Variants in RFX3 observed in about 807,000 individuals in gnomAD.
RFX3 encodes transcription factor RFX3.
A neutral mutation model predicts 98.6 loss-of-function variants in RFX3; 14 were observed. The observed-to-expected ratio is 0.14, with a 90% CI of 0.09 to 0.22. RFX3 has a LOEUF of 0.22. Among genes scored for constraint, RFX3 ranks in the 10% least tolerant of loss-of-function variants. The probability of loss-of-function intolerance (pLI) is 1.00; values close to 1 mark genes in which losing one functional copy is unlikely to be tolerated. For missense variants in RFX3, 639 were observed against 926.9 expected (o/e 0.69, Z 4.03); for synonymous variants, 383 against 328.4 (o/e 1.17, Z -1.80).
intron 1 of RFX3, among the ~76,000 whole-genome samples, chr9:3,507,813 T>C (rs1471860442): frequency 6.6e-6 from 1 of 151,998 alleles, no homozygotes; most frequent in Non-Finnish European, 1.5e-5. Context: ...TTATATATTG[T>C]TTTCTTTTTT....
intron 14 of RFX3, among the ~76,000 whole-genome samples, chr9:3,254,937 C>T (rs565394756): frequency 4.7e-4 from 71 of 152,254 alleles, no homozygotes; most frequent in African/African-American, 1.5e-3. Context: ...TAATAATGTG[C>T]TTCTTGAATT....
intron 1 of RFX3, among the ~76,000 whole-genome samples, chr9:3,519,076 G>A (rs185080591): frequency 1.2e-4 from 18 of 152,160 alleles, no homozygotes; most frequent in Non-Finnish European, 4.4e-5. Flanking sequence ...CATGTATAAC[G>A]TGAAAATAAA....
intron 5 of RFX3, among the ~76,000 whole-genome samples, chr9:3,297,381 C>A (rs372587165): frequency 1.3e-5 from 2 of 152,028 alleles, no homozygotes. Flanking sequence ...CTAATATACA[C>A]TCATTTAATG....
chr9:3,305,425 T>C (rs1294505491), intron 4 of RFX3, among the ~76,000 whole-genome samples: 1 of 151,948 alleles, frequency 6.6e-6, no homozygotes, highest in African/African-American at 2.4e-5. Context: ...GAAAGCAAAG[T>C]GTGCCCAATA....
rs1481286171 is a variant in RFX3, at chr9:3,219,365, T to A, written c.*5677A>T. ...TCAAAATTCTTCTAAAGAATATTTG[T>A]TGTCCTCGTTATTGAGCTACATAAA... On this transcript the variant is annotated 3_prime_UTR_variant, in exon 17 of 17. Coordinates refer to ENST00000617270, the MANE Select transcript of RFX3 (RefSeq NM_001282116.2). 1 of 151,994 alleles carries A rather than the reference T, an allele frequency of 6.6e-6. No individual in the cohort carries two copies. The highest frequency in any genetic ancestry group is 1.5e-5 in the Non-Finnish European group (1 of 67,990). 9.4% of individuals were successfully genotyped at this position (151,994 alleles called of 1,614,324 possible).
chr9:3,364,142 G>A (rs1797896883), intron 2 of RFX3, among the ~76,000 whole-genome samples: 1 of 152,148 alleles, frequency 6.6e-6, no homozygotes, highest in Non-Finnish European at 1.5e-5. Flanking sequence ...CCAAAGTGCT[G>A]GGATTACAGG....
intron 13 of RFX3, among the ~76,000 whole-genome samples, chr9:3,257,635 A>G (rs1382986980): frequency 6.6e-6 from 1 of 152,198 alleles, no homozygotes; most frequent in Non-Finnish European, 1.5e-5. Context: ...GATTTAGGGT[A>G]AGTCAGACAG....
chr9:3,471,397 C>G (rs1310153037), intron 1 of RFX3, among the ~76,000 whole-genome samples: 2 of 152,180 alleles, frequency 1.3e-5, no homozygotes, highest in Non-Finnish European at 2.9e-5. Flanking sequence ...AAAGCCAAGT[C>G]TCAAACAGAG....
intron 15 of RFX3, among the ~76,000 whole-genome samples, chr9:3,239,959 G>C (rs1211910588): frequency 1.3e-5 from 2 of 152,212 alleles, no homozygotes; most frequent in African/African-American, 4.8e-5. Context: ...GGCATGAAGA[G>C]ACAGCCAAAA....
chr9:3,402,984 G>C (rs1218986416), intron 1 of RFX3, among the ~76,000 whole-genome samples: 1 of 151,868 alleles, frequency 6.6e-6, no homozygotes, highest in African/African-American at 2.4e-5. Flanking sequence ...GGGCATAGTA[G>C]AAATTATTAA....
intron 9 of RFX3, 30 bp downstream of exon 9, chr9:3,275,470 T>C (rs1284550530): frequency 4.8e-6 from 6 of 1,257,886 alleles, no homozygotes; most frequent in African/African-American, 3.0e-5. Context: ...AAACCTAGCA[T>C]GTGTTCATAC....
intron 5 of RFX3, among the ~76,000 whole-genome samples, chr9:3,294,324 A>C (rs1454468824): frequency 1.3e-5 from 2 of 152,134 alleles, no homozygotes; most frequent in African/African-American, 4.8e-5. Flanking sequence ...TTTTCATGCC[A>C]TATGTAAGAC....
intron 1 of RFX3, among the ~76,000 whole-genome samples, chr9:3,413,317 T>C (rs1332725584): frequency 2.0e-5 from 3 of 152,136 alleles, no homozygotes; most frequent in African/African-American, 7.2e-5. Flanking sequence ...TATGAAATAC[T>C]ATAAGACTTA....
Position 3,324,137 on chromosome 9 carries a change from C to G in RFX3, c.474+6122G>C, listed in dbSNP as rs531624910. 18 of 366,176 alleles carry G rather than the reference C, an allele frequency of 4.9e-5. No individual in the cohort carries two copies. The East Asian group carries it at 1.4e-3, about 28-fold the overall frequency. 22.7% of individuals were successfully genotyped at this position (366,176 alleles called of 1,614,324 possible). A position where few individuals can be genotyped will look rare whatever the true frequency, so the allele number is the denominator to read the frequency against. ...ACAGGAAAACAGAAAAAGCTAAGAT[C>G]ATAATGGTGATACATGTTCCTGCCA... On this transcript the variant is annotated intron_variant, in intron 4 of 16. Transcript: ENST00000617270.
At chr9:3,421,087 C>G (rs1314566659) in intron 1 of RFX3, among the ~76,000 whole-genome samples, 1 of 151,152 alleles carries the variant, frequency 6.6e-6, no homozygotes, top group South Asian at 2.1e-4. Flanking sequence ...TCTGGAGTGA[C>G]TTGTCCCCTG....
chr9:3,321,241 A>G (rs1169196875), intron 4 of RFX3, among the ~76,000 whole-genome samples: 1 of 152,166 alleles, frequency 6.6e-6, no homozygotes, highest in African/African-American at 2.4e-5. Flanking sequence ...TACAACAAAT[A>G]TAGTTTTTAT....
intron 4 of RFX3, among the ~76,000 whole-genome samples, chr9:3,320,695 T>C (rs1276698912): frequency 1.3e-5 from 2 of 149,302 alleles, no homozygotes; most frequent in Admixed American, 6.7e-5. Context: ...TGTGTACATA[T>C]GTGTGTGTGC....
At chr9:3,349,699 T>G (rs1834875168) in intron 2 of RFX3, among the ~76,000 whole-genome samples, 1 of 152,106 alleles carries the variant, frequency 6.6e-6, no homozygotes, top group Non-Finnish European at 1.5e-5. Context: ...TGTATAGAAG[T>G]GCCCACGTGT....
At chr9:3,351,199 G>T (rs951933724) in intron 2 of RFX3, among the ~76,000 whole-genome samples, 9 of 151,342 alleles carry the variant, frequency 5.9e-5, no homozygotes, top group African/African-American at 2.2e-4. Context: ...GAAGCGAGGG[G>T]TTTTATGGAA....
Sources: allele counts gnomAD v4.1 joint callset (sites outside exome capture counted in the v4.1 genomes callset), GRCh38; gene constraint gnomAD v4.1.1; transcripts MANE v1.5; gene names NCBI Gene and HGNC (gene_info 2026-07-23, HGNC 2026-07-21).